Variants in PRKCQ observed in about 807,000 individuals in gnomAD.
PRKCQ encodes the protein protein kinase C theta.
PRKCQ carries 41 observed loss-of-function variants against 91.2 expected under a neutral mutation model. That is an observed-to-expected ratio of 0.45 (90% CI 0.35 to 0.58). PRKCQ has a LOEUF of 0.58. PRKCQ is among the 20% of genes least tolerant of loss of function. The pLI is 0.00. For missense variants in PRKCQ, 673 were observed against 896.5 expected, an observed-to-expected ratio of 0.75 and a Z score of 3.18; for synonymous variants, 307 against 316.9, an observed-to-expected ratio of 0.97 and a Z score of 0.33.
At chr10:6,448,347 G>T (rs1413671726) in intron 15 of PRKCQ, among the ~76,000 whole-genome samples, 1 of 152,068 alleles carries the variant, frequency 6.6e-6, no homozygotes, top group Non-Finnish European at 1.5e-5. Flanking sequence ...TTGAGGGGAG[G>T]GTCACAGACC....
the PRKCQ span, among the ~76,000 whole-genome samples, chr10:6,395,091 C>G: frequency 0.012 from 1,486 of 126,826 alleles, 37 homozygotes; most frequent in African/African-American, 0.043. Context: ...GAGACGGAGT[C>G]TCGCTCTGTC....
At chr10:6,461,100 T>C (rs1336125288) in intron 14 of PRKCQ, among the ~76,000 whole-genome samples, 1 of 149,968 alleles carries the variant, frequency 6.7e-6, no homozygotes, top group African/African-American at 2.5e-5. Context: ...ATCCATCATT[T>C]ATCCATCCAT....
chr10:6,545,445 G>T (rs1486547412), intron 1 of PRKCQ, among the ~76,000 whole-genome samples: 1 of 152,220 alleles, frequency 6.6e-6, no homozygotes, highest in Non-Finnish European at 1.5e-5. Context: ...CTACAACATG[G>T]AGGAAACTTG....
intron 12 of PRKCQ, among the ~76,000 whole-genome samples, chr10:6,472,034 C>A (rs1211682803): frequency 6.6e-6 from 1 of 152,078 alleles, no homozygotes; most frequent in Non-Finnish European, 1.5e-5. Flanking sequence ...AGGGGCCGGG[C>A]GCGGTGGCTC....
rs184969201 is a variant in PRKCQ at position 6,428,384 on chromosome 10, G to C, written c.1966-22C>G. The C allele has an allele frequency of 2.9e-3, 4,603 of 1,601,186 alleles. 27 individuals are homozygous for C. Among genetic ancestry groups the C allele is most frequent in the Non-Finnish European group, 2.9e-3 (3,368 of 1,173,506 alleles). ...ATTTCTTAGTCAGAGTTTAAGGGAA[G>C]AAAGAAAGAGAAGAAAAATCAGCCA... is the stretch of plus-strand genomic sequence containing the variant. On this transcript the variant is annotated intron_variant, in intron 17 of 17. Coordinates refer to ENST00000263125, the MANE Select transcript of PRKCQ (RefSeq NM_006257.5).
chr10:6,417,925 T>C, the PRKCQ span, among the ~76,000 whole-genome samples: 1 of 152,116 alleles, frequency 6.6e-6, no homozygotes, highest in South Asian at 2.1e-4. Context: ...CCCAGAGGCA[T>C]GCCTTCTTTC....
At chr10:6,565,684 T>C (rs1469628654) in intron 1 of PRKCQ, among the ~76,000 whole-genome samples, 1 of 152,208 alleles carries the variant, frequency 6.6e-6, no homozygotes, top group East Asian at 1.9e-4. Context: ...CAAATCTCCT[T>C]GTCCAGGAAC....
At chr10:6,438,193 A>C (rs1475278460) in intron 16 of PRKCQ, among the ~76,000 whole-genome samples, 1 of 152,222 alleles carries the variant, frequency 6.6e-6, no homozygotes, top group Admixed American at 6.5e-5. Context: ...GGGCTTTGTC[A>C]GCACTTCTCA....
At chr10:6,446,835 A>T (rs568312874) in intron 15 of PRKCQ, among the ~76,000 whole-genome samples, 2 of 152,280 alleles carry the variant, frequency 1.3e-5, no homozygotes, top group Admixed American at 1.3e-4. Flanking sequence ...GCACAAGGAA[A>T]CCCGGGAAAG....
chr10:6,467,381 G>GAGAC (rs1564324259), intron 12 of PRKCQ, among the ~76,000 whole-genome samples: 4 of 81,248 alleles, frequency 4.9e-5, no homozygotes, highest in East Asian at 7.5e-4. Context: ...GAGACAGAGA[G>GAGAC]AGACAGACAG....
At chr10:6,495,078 CA>C (rs1480543578) in intron 7 of PRKCQ, among the ~76,000 whole-genome samples, 2 of 152,314 alleles carry the variant, frequency 1.3e-5, no homozygotes, top group East Asian at 3.9e-4. Flanking sequence ...ACATCAAAAT[CA>C]CCTGAGAACC....
the PRKCQ span, among the ~76,000 whole-genome samples, chr10:6,399,618 G>C: frequency 6.6e-6 from 1 of 152,158 alleles, no homozygotes; most frequent in Non-Finnish European, 1.5e-5. Context: ...GGAGATGGGG[G>C]TGGAGGAGAG....
Position 6,450,081 on chromosome 10 carries a change from C to T in PRKCQ, c.1647+6593G>A, listed in dbSNP as rs1254126106. Among the ~76,000 whole-genome samples, 16 of 148,718 alleles carry T rather than the reference C, an allele frequency of 1.1e-4. No homozygotes were observed. The East Asian group carries it at 2.6e-3, about 24-fold the overall frequency. On this transcript the variant is annotated intron_variant, in intron 15 of 17. Transcript: ENST00000263125. ...ATGACAGGATCAAATTCACACATAA[C>T]AATATTAACTTTAAATGTAAATGGA...
chr10:6,455,614 G>T (rs1834962090), intron 15 of PRKCQ, among the ~76,000 whole-genome samples: 1 of 152,146 alleles, frequency 6.6e-6, no homozygotes, highest in South Asian at 2.1e-4. Context: ...CTTCTAGAAG[G>T]TATCTATTAG....
downstream of PRKCQ, among the ~76,000 whole-genome samples, chr10:6,425,350 G>C (rs1833091647): frequency 6.6e-6 from 1 of 151,556 alleles, no homozygotes; most frequent in Admixed American, 6.6e-5. Context: ...TCAGCCTCCT[G>C]AGTAGCTGGG....
At chr10:6,563,445 T>C (rs1205313531) in intron 1 of PRKCQ, among the ~76,000 whole-genome samples, 2 of 152,134 alleles carry the variant, frequency 1.3e-5, no homozygotes, top group South Asian at 2.1e-4. Flanking sequence ...TCTCCTACCT[T>C]GTCACTGCCT....
At chr10:6,574,229 T>C (rs933006707) in intron 1 of PRKCQ, among the ~76,000 whole-genome samples, 2 of 152,216 alleles carry the variant, frequency 1.3e-5, no homozygotes, top group African/African-American at 4.8e-5. Flanking sequence ...ATAGGTGAGT[T>C]TGCAGTGCAA....
At chr10:6,574,443 C>T (rs1227441118) in intron 1 of PRKCQ, among the ~76,000 whole-genome samples, 1 of 152,180 alleles carries the variant, frequency 6.6e-6, no homozygotes, top group East Asian at 1.9e-4. Context: ...ACCTGTTACC[C>T]AAGCTTAGTG....
chr10:6,495,669 A>C (rs1368684793), intron 7 of PRKCQ, among the ~76,000 whole-genome samples: 2 of 152,220 alleles, frequency 1.3e-5, no homozygotes, highest in Non-Finnish European at 2.9e-5. Flanking sequence ...TGTCATTGGA[A>C]GAATGCGGTA....
Sources: allele counts gnomAD v4.1 joint callset (sites outside exome capture counted in the v4.1 genomes callset), GRCh38; gene constraint gnomAD v4.1.1; transcripts MANE v1.5; gene names NCBI Gene and HGNC (gene_info 2026-07-23, HGNC 2026-07-21).